The following DOCK5 variants were observed in gnomAD, a reference collection of about 807,000 sequenced individuals.
DOCK5 encodes the protein dedicator of cytokinesis protein 5.
Under a neutral mutation model 251.8 loss-of-function variants are expected in DOCK5, and 142 were observed. The observed-to-expected ratio is 0.56, with a 90% confidence interval of 0.49 to 0.65. DOCK5 has a LOEUF of 0.65. Ranked by LOEUF, DOCK5 falls within the 30% of genes least tolerant of loss-of-function variation. The pLI is 0.00. For missense variants in DOCK5, 2,111 were observed against 2,312.3 expected (o/e 0.91, Z 1.79); for synonymous variants, 842 against 835.5 (o/e 1.01, Z -0.13).
chr8:25,410,936 A>AGAGAGAG (rs59476898), intron 51 of DOCK5, among the ~76,000 whole-genome samples: 34 of 110,302 alleles, frequency 3.1e-4, no homozygotes, highest in African/African-American at 2.4e-4. Flanking sequence ...AGAGAGAGAG[A>AGAGAGAG]AAATGTGTGT....
At chr8:25,292,339 A>G (rs531286342) in intron 6 of DOCK5, among the ~76,000 whole-genome samples, 167 bp downstream of exon 6, 13 of 152,116 alleles carry the variant, frequency 8.5e-5, no homozygotes, top group African/African-American at 1.7e-4. Flanking sequence ...AAAAAATGTC[A>G]CAGTTCCCTC....
Position 25,210,074 on chromosome 8 carries a change from GTCTATTTATCTATCTATCTA to G in DOCK5, c.43+25129_43+25148del, listed in dbSNP as rs1563309284. On this transcript the variant is annotated intron_variant, in intron 1 of 51. Transcript: ENST00000276440. ...TGTGTGTGTGTGTGTGTGTGTATCT[GTCTATTTATCTATCTATCTA>G]TCTATCTATCTATCTATCTATCTAT... 3.4e-4 allele frequency among the ~76,000 whole-genome samples: 7 copies of G among 20,766 alleles called. 1 individual carries two copies. Among genetic ancestry groups the G allele is most frequent in the African/African-American group, 7.1e-4 (6 of 8,434 alleles). 13.6% of individuals were successfully genotyped at this position (20,766 alleles called of 152,430 possible). A position where few individuals can be genotyped will look rare whatever the true frequency, so the allele number is the denominator to read the frequency against.
intron 2 of DOCK5, among the ~76,000 whole-genome samples, chr8:25,249,283 G>A (rs1459350231): frequency 2.6e-5 from 4 of 152,144 alleles, no homozygotes; most frequent in African/African-American, 4.8e-5. Context: ...TTACAGGTGT[G>A]AGCCATCGTG....
chr8:25,206,001 A>C (rs998418979), intron 1 of DOCK5, among the ~76,000 whole-genome samples: 1 of 152,212 alleles, frequency 6.6e-6, no homozygotes, highest in Non-Finnish European at 1.5e-5. Flanking sequence ...AAGGCTGAAC[A>C]TGAAAAAAGT....
chr8:25,363,254 T>A, intron 29 of DOCK5, 113 bp downstream of exon 29: 1 of 852,438 alleles, frequency 1.2e-6, no homozygotes. Context: ...ATCTGTAAAG[T>A]GAGGATCTTC....
intron 10 of DOCK5, among the ~76,000 whole-genome samples, chr8:25,303,317 G>A (rs1804816800): frequency 1.3e-5 from 2 of 152,276 alleles, no homozygotes; most frequent in South Asian, 4.1e-4. Context: ...AACCTAAGTT[G>A]TGACTATTGG....
intron 45 of DOCK5, among the ~76,000 whole-genome samples, chr8:25,396,099 G>A (rs373166068): frequency 5.9e-5 from 9 of 152,248 alleles, no homozygotes; most frequent in African/African-American, 2.2e-4. Context: ...GCTTCTAGGG[G>A]CCAGGTGTAG....
rs1801211775 is a variant in DOCK5, at chr8:25,389,070, CT to C, written c.4132-18del. ...CCACTCTTCCTATGTAATGACTTCC[CT>C]TTCTGTGTCTCACCTGCAGAATAAA... On this transcript the variant is annotated intron_variant, in intron 40 of 51. Transcript: ENST00000276440. 1 of 1,611,656 alleles carries C rather than the reference CT, an allele frequency of 6.2e-7. No individual in the cohort carries two copies. The highest frequency in any genetic ancestry group is 2.2e-5 in the East Asian group (1 of 44,774).
chr8:25,401,735 A>G (rs1303880016), intron 47 of DOCK5, among the ~76,000 whole-genome samples: 6 of 151,996 alleles, frequency 3.9e-5, no homozygotes, highest in African/African-American at 1.2e-4. Context: ...CTCTATCTCA[A>G]AACAAACAAA....
intron 28 of DOCK5, among the ~76,000 whole-genome samples, chr8:25,360,883 C>T (rs1800665985): frequency 6.6e-6 from 1 of 152,086 alleles, no homozygotes; most frequent in African/African-American, 2.4e-5. Flanking sequence ...AAAAAAGGGG[C>T]GTACCTCCTG....
In DOCK5 at chr8:25,302,358, G is replaced by C; in HGVS notation, c.880G>C (p.Val294Leu). The C allele has an allele frequency of 6.2e-7, 1 of 1,613,318 alleles. No individual in the cohort carries two copies. The highest frequency in any genetic ancestry group is 1.1e-5 in the South Asian group (1 of 90,902). ...CAGCATGGACCTCATCCGGCCCCGCGTCAGCCTTGTGTGCCAGATTGTCCG... is the reference window on the plus strand; with the variant it reads ...CAGCATGGACCTCATCCGGCCCCGCCTCAGCCTTGTGTGCCAGATTGTCCG... ...LSSMDLIRPR[V>L]SLVCQIVRVG... Residue 294 changes from valine (V) to leucine (L), a missense_variant, in exon 10 of 52, where the codon GTC (valine) becomes CTC (leucine). Physicochemically the swap from Val to Leu is conservative, Grantham distance 32. Coordinates refer to ENST00000276440, the MANE Select transcript of DOCK5 (RefSeq NM_024940.8).
chr8:25,374,414 G>C, intron 36 of DOCK5, 150 bp from the exon 37 acceptor site: 1 of 731,372 alleles, frequency 1.4e-6, no homozygotes, highest in Non-Finnish European at 2.2e-6. Context: ...TGGATCACTT[G>C]AGCCCTGGGG....
At chr8:25,206,223 A>G (rs1291652894) in intron 1 of DOCK5, among the ~76,000 whole-genome samples, 2 of 152,166 alleles carry the variant, frequency 1.3e-5, no homozygotes, top group Non-Finnish European at 2.9e-5. Context: ...TTCTTGCTGA[A>G]GCAAAGGGTG....
At chr8:25,394,241 T>C (rs1270616308) in intron 44 of DOCK5, among the ~76,000 whole-genome samples, 3 of 152,270 alleles carry the variant, frequency 2.0e-5, no homozygotes, top group Middle Eastern at 3.4e-3. Flanking sequence ...AAAAAAAAAT[T>C]AGACATTATT....
chr8:25,381,157 A>C (rs1252457859), intron 39 of DOCK5, among the ~76,000 whole-genome samples: 2 of 152,196 alleles, frequency 1.3e-5, no homozygotes, highest in Admixed American at 1.3e-4. Context: ...GTGGTAGGCA[A>C]CCATAATATT....
chr8:25,388,954 C>G (rs1586387187), intron 40 of DOCK5, 137 bp from the exon 41 acceptor site: 1 of 770,694 alleles, frequency 1.3e-6, no homozygotes, highest in Non-Finnish European at 2.1e-6. Flanking sequence ...CAGGCAAGGA[C>G]TAGATTTTCA....
chr8:25,219,275 A>C (rs1802323413), intron 1 of DOCK5, among the ~76,000 whole-genome samples: 1 of 152,156 alleles, frequency 6.6e-6, no homozygotes, highest in Non-Finnish European at 1.5e-5. Flanking sequence ...TTCTGGAGTT[A>C]ATAATTGCTT....
chr8:25,194,955 C>CTT (rs982029102), intron 1 of DOCK5, among the ~76,000 whole-genome samples: 3 of 151,772 alleles, frequency 2.0e-5, no homozygotes, highest in African/African-American at 7.3e-5. Context: ...GAGTCTCGCT[C>CTT]TGTCGCCCAG....
chr8:25,275,476 A>G (rs748657097), intron 4 of DOCK5, 35 bp downstream of exon 4: 3 of 1,560,568 alleles, frequency 1.9e-6, no homozygotes, highest in Non-Finnish European at 2.6e-6. Context: ...CCCAAAAATG[A>G]TGAAGATGTA....
Sources: gnomAD v4.1 joint callset for allele counts (sites outside exome capture counted in the v4.1 genomes callset) on GRCh38, gnomAD v4.1.1 for gene constraint, MANE v1.5 for transcripts, NCBI Gene and HGNC (gene_info 2026-07-23, HGNC 2026-07-21) for gene names.